EIF5B: variants seen among roughly 807,000 people sequenced by gnomAD.
EIF5B encodes eukaryotic translation initiation factor 5B, also known as eIF-5B.
A neutral mutation model predicts 147.5 loss-of-function variants in EIF5B; 47 were observed. The observed-to-expected ratio is 0.32, with a 90% CI of 0.25 to 0.41. EIF5B has a LOEUF of 0.41. Ranked by LOEUF, EIF5B falls within the 10% of genes least tolerant of loss-of-function variation. The probability of loss-of-function intolerance (pLI) is 1.00; values close to 1 mark genes in which losing one functional copy is unlikely to be tolerated. For synonymous variants in EIF5B, 455 were observed against 456.2 expected (o/e 1.00, Z 0.03); for missense variants, 1,064 against 1,413.2 (o/e 0.75, Z 3.96).
rs1674907427 is a variant in EIF5B at position 99,390,720 on chromosome 2, G to A, written c.2748+15G>A. ...TACGAGTGAAGGTATGCTGAGGTGGGAAGCATTGACACGTGGGGACTTGTA... is the reference window on the plus strand; with the variant it reads ...TACGAGTGAAGGTATGCTGAGGTGGAAAGCATTGACACGTGGGGACTTGTA... On this transcript the variant is annotated intron_variant, in intron 17 of 23. Coordinates refer to ENST00000289371, the MANE Select transcript of EIF5B (RefSeq NM_015904.4). 1 of 1,592,758 alleles carries A rather than the reference G, an allele frequency of 6.3e-7. No homozygotes were observed. The highest frequency in any genetic ancestry group is 8.6e-7 in the Non-Finnish European group (1 of 1,163,348).
At chr2:99,376,921 A>G (rs1674579799) in intron 10 of EIF5B, among the ~76,000 whole-genome samples, 1 of 152,152 alleles carries the variant, frequency 6.6e-6, no homozygotes, top group Non-Finnish European at 1.5e-5. Context: ...AAGTATGCAG[A>G]GGTATTCTGA....
At chr2:99,396,426 G>C (rs1675048984) in intron 21 of EIF5B, among the ~76,000 whole-genome samples, 1 of 152,194 alleles carries the variant, frequency 6.6e-6, no homozygotes, top group Admixed American at 6.5e-5. Context: ...CTAAGCCCCA[G>C]ACTGTGGCTG....
At chr2:99,397,471 A>G (rs2104261159) in intron 22 of EIF5B, 1 of 149,442 alleles carries the variant, frequency 6.7e-6, no homozygotes, top group East Asian at 1.9e-4. Context: ...GCTGAGCCTC[A>G]GTCAAGAACA....
chr2:99,343,925 CT>C lies in EIF5B; in HGVS notation c.35+6347del, dbSNP rs201949416. ...TATGATGTAGGGGTTCATCTGCATT[CT>C]TTTTTTTTTTGAGACGGAGTCTCGC... is the stretch of plus-strand genomic sequence containing the variant. On this transcript the variant is annotated intron_variant, in intron 1 of 23. Transcript: ENST00000289371. Among the ~76,000 whole-genome samples the C allele has an allele frequency of 3.8e-3, 563 of 146,788 alleles. 3 individuals are homozygous for C. Among genetic ancestry groups the C allele is most frequent in the African/African-American group, 0.012 (495 of 40,436 alleles).
Position 99,401,223 on chromosome 2 carries a change from C to A in EIF5B, c.*1809C>A, listed in dbSNP as rs919847060. 6.9e-7 allele frequency: 1 copy of A among 1,440,036 alleles called. No individual in the cohort carries two copies. The highest frequency in any genetic ancestry group is 1.4e-5 in the African/African-American group (1 of 71,464). 89.2% of individuals were successfully genotyped at this position (1,440,036 alleles called of 1,614,324 possible). ...TTATGGCACAGCTATCAGAGAGCATCAGGCTCTCTGGTAATATTTATGTAA... is the reference window on the plus strand; with the variant it reads ...TTATGGCACAGCTATCAGAGAGCATAAGGCTCTCTGGTAATATTTATGTAA... On this transcript the variant is annotated 3_prime_UTR_variant, in exon 24 of 24. Coordinates refer to ENST00000289371, the MANE Select transcript of EIF5B (RefSeq NM_015904.4).
chr2:99,360,305 G>A lies in EIF5B; in HGVS notation c.105G>A (p.Gln35=). 6.2e-7 allele frequency: 1 copy of A among 1,612,142 alleles called. No homozygotes were observed. The highest frequency in any genetic ancestry group is 8.5e-7 in the Non-Finnish European group (1 of 1,179,364). Residue 35 remains glutamine (Q), a synonymous_variant, in exon 2 of 24, where the codon CAG becomes CAA. Coordinates refer to ENST00000289371, the MANE Select transcript of EIF5B (RefSeq NM_015904.4). ...AAGGAGCTGGTGCTGCCAAAGAACA[G>A]GAGCCTCAAAAGTCAAAAGGGAAAA... ...EIEGAGAAKE[Q]EPQKSKGKKK...
chr2:99,340,671 T>C (rs1395649166), intron 1 of EIF5B: 3 of 152,224 alleles, frequency 2.0e-5, no homozygotes, highest in African/African-American at 7.2e-5. Flanking sequence ...GTACAGCATG[T>C]GTCAGTGATC....
chr2:99,358,815 C>A (rs1260628754), intron 1 of EIF5B, among the ~76,000 whole-genome samples: 2 of 152,140 alleles, frequency 1.3e-5, no homozygotes, highest in East Asian at 3.9e-4. Flanking sequence ...GAAGTCACCA[C>A]CACTGCAGCA....
intron 5 of EIF5B, 129 bp downstream of exon 5, chr2:99,363,991 C>T (rs967154547): frequency 3.8e-5 from 41 of 1,066,298 alleles, no homozygotes; most frequent in East Asian, 3.0e-4. Flanking sequence ...ATTATTGTTC[C>T]GATACAAATA....
chr2:99,396,785 A>G lies in EIF5B; in HGVS notation c.3280A>G (p.Ile1094Val). 2 of 1,611,584 alleles carry G rather than the reference A, an allele frequency of 1.2e-6. No individual in the cohort carries two copies. The highest frequency in any genetic ancestry group is 1.7e-6 in the Non-Finnish European group (2 of 1,179,286). ...GCACATAGCAGTATTTCCCTGCAAG[A>G]TAAAAATCCTCCCTCAGTACATTTT... ...FKHIAVFPCK[I>V]KILPQYIFNS... Residue 1094 changes from isoleucine (I) to valine (V), a missense_variant, in exon 22 of 24, where the codon ATA (isoleucine) becomes GTA (valine). Coordinates refer to ENST00000289371, the MANE Select transcript of EIF5B (RefSeq NM_015904.4).
chr2:99,366,029 C>T (rs13404128), intron 6 of EIF5B, among the ~76,000 whole-genome samples: 3 of 152,160 alleles, frequency 2.0e-5, no homozygotes, highest in African/African-American at 7.2e-5. Flanking sequence ...TATAATTGCT[C>T]TGAAATGTGC....
At position 99,371,677 on chromosome 2, in the gene EIF5B, A is replaced by G. The variant is rs762025487; in HGVS notation, c.1499A>G (p.Asp500Gly). The stretch of plus-strand genomic sequence containing the variant: ...ACAGAAGAAGAAGAAGATACTGAGG[A>G]TGCTGGATTGGATGATTGGGAAGCT... Reference protein sequence around the residue: ...VEPEEEEDTEDAGLDDWEAMA... With the variant: ...VEPEEEEDTEGAGLDDWEAMA... The change falls in exon 9 of 24, where the codon GAT becomes GGT. Residue 500 changes from aspartate (D) to glycine (G), a missense_variant. Physicochemically the swap from Asp to Gly is moderately conservative, Grantham distance 94. Transcript: ENST00000289371. 1 of 1,613,034 alleles carries G rather than the reference A, an allele frequency of 6.2e-7. No individual in the cohort carries two copies. The highest frequency in any genetic ancestry group is 8.5e-7 in the Non-Finnish European group (1 of 1,179,458).
chr2:99,393,057 C>T lies in EIF5B; in HGVS notation c.2839C>T (p.Leu947Phe), dbSNP rs761807706. The T allele has an allele frequency of 3.8e-6, 6 of 1,579,448 alleles. No individual in the cohort carries two copies. The South Asian group carries it at 7.1e-5, about 19-fold the overall frequency. The change falls in exon 18 of 24, where the codon CTC becomes TTC. Residue 947 changes from leucine (L) to phenylalanine (F), a missense_variant. This residue lies in a region of EIF5B where 380 missense variants were observed against 715.6 expected (regional missense o/e 0.53). Transcript: ENST00000289371. ...GGAGAAAACATTGGCTGGTTTACCC[C>T]TCCTTGTGGCTTATAAAGAAGATGA... ...DLEKTLAGLP[L>F]LVAYKEDEIP...
At position 99,396,911 on chromosome 2, in the gene EIF5B, T is replaced by G; in HGVS notation, c.3393+13T>G. ...CCCAAGCAAAAATGTAAGTTCTAGTTGTACATTCTGTGGGTCATTTCTTAA... is the reference window on the plus strand; with the variant it reads ...CCCAAGCAAAAATGTAAGTTCTAGTGGTACATTCTGTGGGTCATTTCTTAA... On this transcript the variant is annotated intron_variant, in intron 22 of 23. Coordinates refer to ENST00000289371, the MANE Select transcript of EIF5B (RefSeq NM_015904.4). The G allele has an allele frequency of 6.3e-7, 1 of 1,589,070 alleles. No homozygotes were observed. Among genetic ancestry groups the G allele is most frequent in the Non-Finnish European group, 8.5e-7 (1 of 1,172,226 alleles).
In EIF5B at chr2:99,399,571, C is replaced by A; in HGVS notation, c.*157C>A. 4.7e-6 allele frequency: 3 copies of A among 633,522 alleles called. No homozygotes were observed. The highest frequency in any genetic ancestry group is 1.8e-5 in the African/African-American group (1 of 54,588). The allele number at this position is 633,522 out of a possible 1,614,324, so 39.2% of individuals were successfully genotyped here. A position where few individuals can be genotyped will look rare whatever the true frequency, so the allele number is the denominator to read the frequency against. On this transcript the variant is annotated 3_prime_UTR_variant, in exon 24 of 24. Coordinates refer to ENST00000289371, the MANE Select transcript of EIF5B (RefSeq NM_015904.4). ...TGTATAAAATGTTTTCCATGAGAAA[C>A]CAAGAAACTTACACTGGTTTGACAG...
rs957686711 is a variant in EIF5B at position 99,337,394 on chromosome 2, A to G, written c.-161A>G. 25 of 869,612 alleles carry G rather than the reference A, an allele frequency of 2.9e-5. No homozygotes were observed. Among genetic ancestry groups the G allele is most frequent in the Non-Finnish European group, 3.1e-5 (17 of 539,868 alleles). 53.9% of individuals were successfully genotyped at this position (869,612 alleles called of 1,614,324 possible). On this transcript the variant is annotated 5_prime_UTR_variant, in exon 1 of 24. Coordinates refer to ENST00000289371, the MANE Select transcript of EIF5B (RefSeq NM_015904.4). The stretch of plus-strand genomic sequence containing the variant: ...CGCTTGCGCACTGAGAACTCACACC[A>G]TATGTGTCCTGTTCCAGTGCGCGGG...
chr2:99,355,974 T>C (rs1000719577), intron 1 of EIF5B, among the ~76,000 whole-genome samples: 2 of 152,188 alleles, frequency 1.3e-5, no homozygotes, highest in Non-Finnish European at 2.9e-5. Context: ...GTGAAGATAA[T>C]ACAGAGTCTC....
rs1284741278 is a variant in EIF5B, at chr2:99,401,015, C to CA, written c.*1604dup. 2.8e-5 allele frequency: 9 copies of CA among 321,184 alleles called. No individual in the cohort carries two copies. The Admixed American group carries it at 3.0e-4, about 11-fold the overall frequency. 19.9% of individuals were successfully genotyped at this position (321,184 alleles called of 1,614,324 possible). A position where few individuals can be genotyped will look rare whatever the true frequency, so the allele number is the denominator to read the frequency against. ...GTAAAAATCCATAAAACTTTATAAA[C>CA]AAACATTTTGTAAATAGAATCTATG... On this transcript the variant is annotated 3_prime_UTR_variant, in exon 24 of 24. Coordinates refer to ENST00000289371, the MANE Select transcript of EIF5B (RefSeq NM_015904.4).
At chr2:99,353,872 T>A (rs1367669247) in intron 1 of EIF5B, among the ~76,000 whole-genome samples, 1 of 152,258 alleles carries the variant, frequency 6.6e-6, no homozygotes, top group Non-Finnish European at 1.5e-5. Flanking sequence ...CATTCCATTT[T>A]ATTGATGAAT....
Sources: gnomAD v4.1 joint callset for allele counts (sites outside exome capture counted in the v4.1 genomes callset) on GRCh38, gnomAD v4.1.1 for gene constraint, gnomAD v4.1.1 regional missense constraint, MANE v1.5 for transcripts, NCBI Gene and HGNC (gene_info 2026-07-23, HGNC 2026-07-21) for gene names.